The following RALGAPA1 variants were observed in gnomAD, a reference collection of about 807,000 sequenced individuals.
RALGAPA1 encodes ral GTPase-activating protein subunit alpha-1.
Under a neutral mutation model 269.6 loss-of-function variants are expected in RALGAPA1, and 52 were observed. The observed-to-expected ratio is 0.19, with a 90% confidence interval of 0.15 to 0.24. RALGAPA1 has a LOEUF of 0.24. Among genes scored for constraint, RALGAPA1 ranks in the 10% least tolerant of loss-of-function variants. RALGAPA1 has a pLI of 1.00. For synonymous variants in RALGAPA1, 817 were observed against 1,008.3 expected, an observed-to-expected ratio of 0.81 and a Z score of 3.60; for missense variants, 1,917 against 3,013.9, an observed-to-expected ratio of 0.64 and a Z score of 8.52.
chr14:35,746,088 G>T (rs2077238894), intron 10 of RALGAPA1, among the ~76,000 whole-genome samples: 1 of 152,012 alleles, frequency 6.6e-6, no homozygotes, highest in South Asian at 2.1e-4. Flanking sequence ...AACAAAAAGA[G>T]GGAAATCCCA....
intron 38 of RALGAPA1, among the ~76,000 whole-genome samples, chr14:35,571,674 C>T (rs760862031): frequency 2.0e-5 from 3 of 151,974 alleles, no homozygotes; most frequent in South Asian, 2.1e-4. Context: ...AGCCAGACTC[C>T]GTCTCAAAAA....
rs2073643566 is a variant in RALGAPA1, at chr14:35,760,922, A to T, written c.454T>A (p.Ser152Thr). The part of the protein sequence containing the change: ...NCSKEQLWMF[S>T]CLIPGFSAPQ... The stretch of plus-strand genomic sequence containing the variant: ...GCTGAAAATCCAGGGATTAAGCATG[A>T]AAACATCCAGAGCTGTTCTTTGCTA... The change falls in exon 6 of 42, where the codon TCA becomes ACA. Residue 152 changes from serine (S) to threonine (T), a missense_variant. Ser to Thr is a moderately conservative substitution (Grantham distance 58). This residue lies in a region of RALGAPA1 where 462 missense variants were observed against 725.6 expected (regional missense o/e 0.64). Transcript: ENST00000680220. 6.2e-7 allele frequency: 1 copy of T among 1,611,844 alleles called. No individual in the cohort carries two copies. Among genetic ancestry groups the T allele is most frequent in the Admixed American group, 1.7e-5 (1 of 59,992 alleles).
intron 1 of RALGAPA1, among the ~76,000 whole-genome samples, chr14:35,776,364 A>G (rs1217548268): frequency 6.6e-6 from 1 of 151,742 alleles, no homozygotes; most frequent in Non-Finnish European, 1.5e-5. Flanking sequence ...CTGGGAAGAC[A>G]GAGTGAGACT....
intron 16 of RALGAPA1, chr14:35,716,143 C>T: frequency 2.1e-6 from 2 of 963,974 alleles, no homozygotes; most frequent in South Asian, 9.6e-5. Flanking sequence ...CCTATAATCC[C>T]AGCACTTTGG....
In RALGAPA1 at chr14:35,590,972, AGAG is replaced by A. The variant is rs549027308; in HGVS notation, c.7209+4659_7209+4661del. Among the ~76,000 whole-genome samples the A allele has an allele frequency of 4.5e-4, 69 of 152,336 alleles. 1 individual carries two copies. Among genetic ancestry groups the A allele is most frequent in the African/African-American group, 1.4e-3 (58 of 41,574 alleles). On this transcript the variant is annotated intron_variant, in intron 37 of 41. Transcript: ENST00000680220. ...GCAAAAACAAACAAACTGAGAAGAA[AGAG>A]GAGAAGGAAGAGGTAAAGGAGAAAT...
intron 10 of RALGAPA1, among the ~76,000 whole-genome samples, chr14:35,742,789 C>T (rs533014929): frequency 6.7e-6 from 1 of 148,612 alleles, no homozygotes; most frequent in South Asian, 2.1e-4. Flanking sequence ...AATCACCAAA[C>T]TTCTAAATAG....
intron 41 of RALGAPA1, among the ~76,000 whole-genome samples, chr14:35,544,708 A>T (rs1303886092): frequency 6.6e-6 from 1 of 152,174 alleles, no homozygotes; most frequent in Non-Finnish European, 1.5e-5. Context: ...CTATAATTTC[A>T]GGCTAATCTA....
chr14:35,622,059 G>A (rs1417084559), intron 35 of RALGAPA1, among the ~76,000 whole-genome samples: 2 of 152,160 alleles, frequency 1.3e-5, no homozygotes, highest in Non-Finnish European at 2.9e-5. Context: ...AAAGACACAT[G>A]TACACATATG....
Position 35,635,481 on chromosome 14 carries a change from G to C in RALGAPA1, c.5794C>G (p.Leu1932Val), listed in dbSNP as rs1243817213. Reference sequence around the variant, plus strand: ...AAGTTTACCTTATAAATGCAATTGAGAACAGATTTTTCTGTTTTATCGCTT... The same window carrying C: ...AAGTTTACCTTATAAATGCAATTGACAACAGATTTTTCTGTTTTATCGCTT... The part of the protein sequence containing the change: ...AESDKTEKSV[L>V]NCIYKVLHGC... The change falls in exon 32 of 42, where the codon CTC (leucine) becomes GTC (valine). Residue 1932 changes from leucine to valine, a missense_variant. By Grantham distance (32) the Leu-to-Val change is conservative. This residue lies in a region of RALGAPA1 where 346 missense variants were observed against 566.1 expected (regional missense o/e 0.61). Coordinates refer to ENST00000680220, the MANE Select transcript of RALGAPA1 (RefSeq NM_001346249.2). 1 of 1,597,540 alleles carries C rather than the reference G, an allele frequency of 6.3e-7. No homozygotes were observed. Among genetic ancestry groups the C allele is most frequent in the East Asian group, 2.2e-5 (1 of 44,508 alleles).
chr14:35,654,086 A>T (rs2063020372), intron 30 of RALGAPA1, among the ~76,000 whole-genome samples: 1 of 152,152 alleles, frequency 6.6e-6, no homozygotes. Context: ...GATCCTTTCA[A>T]CTTAGTCTCC....
intron 36 of RALGAPA1, among the ~76,000 whole-genome samples, chr14:35,601,138 C>T (rs905560581): frequency 6.6e-6 from 1 of 152,126 alleles, no homozygotes; most frequent in African/African-American, 2.4e-5. Flanking sequence ...CTGACACAGT[C>T]GTAAGGGTGA....
intron 41 of RALGAPA1, among the ~76,000 whole-genome samples, chr14:35,546,777 T>C (rs894749893): frequency 6.6e-6 from 1 of 152,144 alleles, no homozygotes; most frequent in Admixed American, 6.6e-5. Context: ...CAAACTGCTA[T>C]TATACAGCTT....
rs745623427 is a variant in RALGAPA1 at position 35,691,070 on chromosome 14, AAAT to A, written c.2408-1070_2408-1068del. On this transcript the variant is annotated intron_variant, in intron 17 of 41. Coordinates refer to ENST00000680220, the MANE Select transcript of RALGAPA1 (RefSeq NM_001346249.2). ...GGCAACAAGAGCAAAACTCCGTCTC[AAAT>A]AATAATAATAATAATAATTATTATT... Among the ~76,000 whole-genome samples, 56 of 149,360 alleles carry A rather than the reference AAAT, an allele frequency of 3.7e-4. 1 individual carries two copies. Among genetic ancestry groups the A allele is most frequent in the Admixed American group, 2.7e-3 (40 of 14,976 alleles).
chr14:35,657,489 C>T (rs2063260612), intron 28 of RALGAPA1, among the ~76,000 whole-genome samples: 1 of 150,768 alleles, frequency 6.6e-6, no homozygotes, highest in Non-Finnish European at 1.5e-5. Flanking sequence ...CACGCCTGGC[C>T]TGGGAGTATG....
At chr14:35,588,803 A>T (rs561283120) in intron 37 of RALGAPA1, among the ~76,000 whole-genome samples, 1 of 152,284 alleles carries the variant, frequency 6.6e-6, no homozygotes, top group South Asian at 2.1e-4. Context: ...TTATCTGCAC[A>T]CTCACGTTCA....
At chr14:35,559,332 T>C (rs2055938234) in intron 39 of RALGAPA1, among the ~76,000 whole-genome samples, 1 of 152,256 alleles carries the variant, frequency 6.6e-6, no homozygotes, top group Admixed American at 6.5e-5. Context: ...ACATCCTTTC[T>C]TCTTTGCTCT....
chr14:35,740,210 T>G (rs1248331901), intron 11 of RALGAPA1, among the ~76,000 whole-genome samples: 1 of 152,194 alleles, frequency 6.6e-6, no homozygotes, highest in African/African-American at 2.4e-5. Flanking sequence ...ATAATAATAC[T>G]TATTTTGTAT....
At chr14:35,544,924 G>A (rs1318780827) in intron 41 of RALGAPA1, among the ~76,000 whole-genome samples, 1 of 152,092 alleles carries the variant, frequency 6.6e-6, no homozygotes, top group Admixed American at 6.5e-5. Flanking sequence ...GCATGGGCCT[G>A]TAATCCCAGC....
At chr14:35,794,611 G>T (rs905304832) in intron 1 of RALGAPA1, among the ~76,000 whole-genome samples, 2 of 151,826 alleles carry the variant, frequency 1.3e-5, no homozygotes, top group Non-Finnish European at 2.9e-5. Flanking sequence ...CGCCCGCCAC[G>T]GCGCCCGGCT....
Sources: allele counts gnomAD v4.1 joint callset (sites outside exome capture counted in the v4.1 genomes callset), GRCh38; gene constraint gnomAD v4.1.1; regional missense constraint gnomAD v4.1.1; transcripts MANE v1.5; gene names NCBI Gene and HGNC (gene_info 2026-07-23, HGNC 2026-07-21).